MYO15B: variants seen among roughly 807,000 people sequenced by gnomAD.
MYO15B encodes myosin XVB pseudogene.
Under a neutral mutation model 119.3 loss-of-function variants are expected in MYO15B, and 207 were observed. The observed-to-expected ratio is 1.73, with a 90% CI of 1.55 to 1.95. The LOEUF is 1.95. Among genes scored for constraint, MYO15B ranks in the 30% most tolerant of loss-of-function variants. The probability of loss-of-function intolerance (pLI) is 0.00; values close to 1 mark genes in which losing one functional copy is unlikely to be tolerated. For missense variants in MYO15B, 2,264 were observed against 1,203.1 expected (o/e 1.88, Z -13.04); for synonymous variants, 966 against 498.9 (o/e 1.94, Z -12.48).
exon 31 of MYO15B, chr17:75,614,639 C>T: frequency 1.4e-6 from 1 of 700,914 alleles, no homozygotes; most frequent in Non-Finnish European, 2.6e-6. Context: ...CCCCCAGGAC[C>T]CCCTCCAGGT....
intron 21 of MYO15B, among the ~76,000 whole-genome samples, chr17:75,607,431 AATTATTATT>A (rs71721337): frequency 1.5e-3 from 206 of 140,472 alleles, no homozygotes; most frequent in Middle Eastern, 0.011. Context: ...GTTAATAATT[AATTATTATT>A]ATTATTATTA....
intron 49 of MYO15B, 66 bp downstream of exon 49, chr17:75,620,702 T>C (rs772434644): frequency 5.8e-6 from 4 of 689,908 alleles, no homozygotes; most frequent in Non-Finnish European, 1.1e-5. Context: ...GGAAAGGGGT[T>C]TGACCACTCC....
At chr17:75,600,029 CTT>C (rs1012190499) in intron 14 of MYO15B, among the ~76,000 whole-genome samples, 1 of 128,272 alleles carries the variant, frequency 7.8e-6, no homozygotes, top group Non-Finnish European at 1.7e-5. Context: ...TTTCTTTTTT[CTT>C]TTTTTTTTTT....
chr17:75,592,214 C>G (rs749772953), intron 6 of MYO15B, 24 bp from the exon 7 acceptor site: 1 of 702,494 alleles, frequency 1.4e-6, no homozygotes, highest in South Asian at 1.5e-5. Context: ...CCTGGGCACT[C>G]ACACCCATCT....
rs1437096079 is a variant in MYO15B at position 75,589,017 on chromosome 17, G to A, written c.960G>A (p.Ala320=). The change falls in exon 1 of 64, where the codon GCG becomes GCA. Residue 320 remains alanine, a synonymous_variant. Coordinates refer to ENST00000645453, the Ensembl canonical transcript of MYO15B. The surrounding 1 kb of genome is among the most constrained non-coding windows in gnomAD (Gnocchi z 4.2). The stretch of plus-strand genomic sequence containing the variant: ...CAGCGGCGGCAGGCGAGGGCGAAGC[G>A]GGAGCCGCAGCAGGAGCGGGGCCGG... The A allele has an allele frequency of 2.5e-6, 1 of 397,684 alleles. No individual in the cohort carries two copies. The highest frequency in any genetic ancestry group is 4.4e-6 in the Non-Finnish European group (1 of 225,406). The allele number at this position is 397,684 out of a possible 1,614,324, so 24.6% of individuals were successfully genotyped here.
In MYO15B at chr17:75,590,889, G is replaced by C. The variant is rs914265590; in HGVS notation, c.2251-18G>C. Reference sequence around the variant, plus strand: ...CTGCTCCCTCCACACTCTGATGAGAGCTTGTTTTCCTCCCCAGACCTTTGG... The same window carrying C: ...CTGCTCCCTCCACACTCTGATGAGACCTTGTTTTCCTCCCCAGACCTTTGG... On this transcript the variant is annotated intron_variant, in intron 2 of 63. Transcript: ENST00000645453. The C allele has an allele frequency of 7.0e-6, 3 of 428,260 alleles. No individual in the cohort carries two copies. The highest frequency in any genetic ancestry group is 1.3e-5 in the Non-Finnish European group (3 of 231,072). 26.5% of individuals were successfully genotyped at this position (428,260 alleles called of 1,614,324 possible).
At chr17:75,624,874 G>C (rs746977534) in exon 59 of MYO15B, 2 of 703,022 alleles carry the variant, frequency 2.8e-6, no homozygotes, top group South Asian at 3.0e-5. Flanking sequence ...AGACCCCACT[G>C]CACTTCGATA....
Position 75,589,413 on chromosome 17 carries a change from C to T in MYO15B, c.1356C>T (p.Gly452=), listed in dbSNP as rs1288997425. Residue 452 remains glycine, a synonymous_variant, in exon 1 of 64, where the codon GGC becomes GGT. Coordinates refer to ENST00000645453, the Ensembl canonical transcript of MYO15B. This position sits in a 1 kb window ranked among gnomAD's most constrained non-coding sequence, Gnocchi z 4.2. ...GCGGGAAAGCGGACGAAGGGCGGGG[C>T]CACGAGCGAGGGTACGAGGGGCGGG... 2 of 384,924 alleles carry T rather than the reference C, an allele frequency of 5.2e-6. No homozygotes were observed. The highest frequency in any genetic ancestry group is 4.1e-5 in the East Asian group (1 of 24,420). 23.8% of individuals were successfully genotyped at this position (384,924 alleles called of 1,614,324 possible).
Position 75,626,570 on chromosome 17 carries a change from TCA to T in MYO15B, c.*88_*89del. On this transcript the variant is annotated 3_prime_UTR_variant, in exon 64 of 64. Transcript: ENST00000645453. ...ATGGTCTGCCTTGGATGCTATCAGA[TCA>T]CTGTTCTAGAACCTGCCTCAGCACA... The T allele has an allele frequency of 4.3e-6, 3 of 695,812 alleles. No individual in the cohort carries two copies. In the South Asian group the frequency reaches 4.5e-5, roughly 10 times the overall value. 43.1% of individuals were successfully genotyped at this position (695,812 alleles called of 1,614,324 possible). A position where few individuals can be genotyped will look rare whatever the true frequency, so the allele number is the denominator to read the frequency against.
exon 56 of MYO15B, chr17:75,624,188 C>T (rs1447923492): frequency 2.8e-6 from 2 of 703,000 alleles, no homozygotes; most frequent in South Asian, 1.5e-5. Flanking sequence ...TGGCCCGGAG[C>T]AGCCAGGAGC....
At chr17:75,596,534 G>C (rs1275972033) in exon 13 of MYO15B, 4 of 703,076 alleles carry the variant, frequency 5.7e-6, no homozygotes, top group Admixed American at 2.0e-5. Flanking sequence ...TCTCCAGCCA[G>C]ATGCTGCTGG....
intron 24 of MYO15B, 103 bp downstream of exon 24, chr17:75,611,761 CCT>C (rs529592839): frequency 6.5e-5 from 45 of 695,690 alleles, no homozygotes; most frequent in African/African-American, 5.8e-4. Flanking sequence ...TCCAGACTCC[CCT>C]GAGCTCATCA....
chr17:75,597,040 C>T, intron 14 of MYO15B, 141 bp downstream of exon 14: 1 of 580,058 alleles, frequency 1.7e-6, no homozygotes, highest in Non-Finnish European at 3.1e-6. Context: ...CTCAGCACAG[C>T]CTGGGACAGC....
chr17:75,620,536 C>T (rs750073819), exon 49 of MYO15B: 1 of 702,848 alleles, frequency 1.4e-6, no homozygotes, highest in South Asian at 1.5e-5. Flanking sequence ...CCGGCTGCCG[C>T]TCCCGACTTT....
rs368250560 is a variant in MYO15B at position 75,616,380 on chromosome 17, C to CAGGAGG, written c.6208_6213dup (p.Glu2070_Glu2071dup). 573 of 610,114 alleles carry CAGGAGG rather than the reference C, an allele frequency of 9.4e-4. 1 individual carries two copies. The highest frequency in any genetic ancestry group is 5.3e-3 in the African/African-American group (284 of 53,452). The allele number at this position is 610,114 out of a possible 1,614,324, so 37.8% of individuals were successfully genotyped here. On this transcript the variant is annotated inframe_insertion, in exon 38 of 64. Transcript: ENST00000645453. ...GGTCCACATCCCCCAGGGGGAAGCG[C>CAGGAGG]AGGAGGAGGAGGAGGAGGAGGAGGA...
In MYO15B at chr17:75,615,217, A is replaced by G. The variant is rs903219876; in HGVS notation, c.5642-23A>G. On this transcript the variant is annotated intron_variant, in intron 33 of 63. Coordinates refer to ENST00000645453, the Ensembl canonical transcript of MYO15B. ...GGCATGTGGGCCCAGGCAGGGACTG[A>G]CAGGGAGGGCGTGTTCCCTCAGTGT... 40 of 697,080 alleles carry G rather than the reference A, an allele frequency of 5.7e-5. 1 individual carries two copies. Among genetic ancestry groups the G allele is most frequent in the Middle Eastern group, 4.6e-4 (2 of 4,376 alleles). 43.2% of individuals were successfully genotyped at this position (697,080 alleles called of 1,614,324 possible).
chr17:75,608,726 TTTG>T (rs141390322), intron 21 of MYO15B, among the ~76,000 whole-genome samples: 38,215 of 151,492 alleles, frequency 0.25, 5,469 homozygotes, highest in Non-Finnish European at 0.34. Flanking sequence ...CCCGGCTAAT[TTTG>T]TTGTTGTTGT....
Position 75,619,300 on chromosome 17 carries a change from A to C in MYO15B, c.7064-58A>C, listed in dbSNP as rs962722727. On this transcript the variant is annotated intron_variant, in intron 44 of 63. Coordinates refer to ENST00000645453, the Ensembl canonical transcript of MYO15B. ...CTGAAGGAGGGAGCAGCATGGGAGC[A>C]AACTCTAGAGCCCCCTCTGTGTGAG... 3 of 702,204 alleles carry C rather than the reference A, an allele frequency of 4.3e-6. No individual in the cohort carries two copies. The African/African-American group carries it at 5.2e-5, about 12-fold the overall frequency. 43.5% of individuals were successfully genotyped at this position (702,204 alleles called of 1,614,324 possible).
At chr17:75,593,946 T>G (rs2056662112) in intron 9 of MYO15B, among the ~76,000 whole-genome samples, 1 of 145,290 alleles carries the variant, frequency 6.9e-6, no homozygotes, top group Admixed American at 6.9e-5. Context: ...AAAGATTAGC[T>G]GGGCATGGTG....
Sources: gnomAD v4.1 joint callset for allele counts (sites outside exome capture counted in the v4.1 genomes callset) on GRCh38, gnomAD v4.1.1 for gene constraint, Gnocchi (gnomAD v3.1) non-coding constraint, MANE v1.5 for transcripts, NCBI Gene and HGNC (gene_info 2026-07-23, HGNC 2026-07-21) for gene names.